The following FOXP2 variants were observed in gnomAD, a reference collection of about 807,000 sequenced individuals.
FOXP2 encodes forkhead box P2, also known as forkhead box protein P2.
Under a neutral mutation model 115.8 loss-of-function variants are expected in FOXP2, and 12 were observed. The observed-to-expected ratio is 0.10, with a 90% CI of 0.07 to 0.17. FOXP2 has a LOEUF of 0.17. FOXP2 is among the 10% of genes least tolerant of loss of function. The probability of loss-of-function intolerance (pLI) is 1.00; values close to 1 mark genes in which losing one functional copy is unlikely to be tolerated. For synonymous variants in FOXP2, 328 were observed against 297.7 expected (o/e 1.10, Z -1.05); for missense variants, 629 against 843.5 (o/e 0.75, Z 3.15).
intron 16 of FOXP2, among the ~76,000 whole-genome samples, chr7:114,671,965 C>G (rs1282086390): frequency 6.6e-6 from 1 of 152,100 alleles, no homozygotes; most frequent in African/African-American, 2.4e-5. Flanking sequence ...ATTTCAACAC[C>G]AAGAAACACA....
chr7:114,547,751 G>A (rs1047186091), intron 3 of FOXP2, among the ~76,000 whole-genome samples: 8 of 151,328 alleles, frequency 5.3e-5, no homozygotes, highest in Middle Eastern at 3.4e-3. Context: ...AGAGCGAGAC[G>A]TCGTCTCAAA....
rs998464054 is a variant in FOXP2, at chr7:114,658,043, G to A, written c.1267-23G>A. ...TTTCTCTTGTCTCTACCTTTTTCCT[G>A]CCCTTCTCTTGGGCCTTTGCAGCTA... On this transcript the variant is annotated intron_variant, in intron 10 of 16. Coordinates refer to ENST00000350908, the MANE Select transcript of FOXP2 (RefSeq NM_014491.4). 4 of 1,612,790 alleles carry A rather than the reference G, an allele frequency of 2.5e-6. No individual in the cohort carries two copies. The African/African-American group carries it at 5.4e-5, about 22-fold the overall frequency.
intron 1 of FOXP2, among the ~76,000 whole-genome samples, chr7:114,191,511 T>C (rs1793760187): frequency 6.6e-6 from 1 of 152,190 alleles, no homozygotes; most frequent in Non-Finnish European, 1.5e-5. Flanking sequence ...CAAGCACAAA[T>C]GTGTAGCGGG....
At position 114,690,245 on chromosome 7, in the gene FOXP2, A is replaced by T. The variant is rs141343189; in HGVS notation, c.*319A>T. The T allele has an allele frequency of 6.4e-6, 3 of 471,580 alleles. No individual in the cohort carries two copies. The highest frequency in any genetic ancestry group is 4.6e-5 in the South Asian group (3 of 64,604). 29.2% of individuals were successfully genotyped at this position (471,580 alleles called of 1,614,324 possible). ...TAAAAAATGTGGCTCTTAAGGGTTC[A>T]TGAAATGACTGAATATGAGGATACA... On this transcript the variant is annotated 3_prime_UTR_variant, in exon 17 of 17. Coordinates refer to ENST00000350908, the MANE Select transcript of FOXP2 (RefSeq NM_014491.4).
chr7:114,403,097 A>G (rs1792931054), intron 2 of FOXP2, among the ~76,000 whole-genome samples: 1 of 152,218 alleles, frequency 6.6e-6, no homozygotes, highest in Admixed American at 6.5e-5. Flanking sequence ...TAGCTAAGTA[A>G]TAAGTTATGT....
chr7:114,168,612 T>C (rs1025680226), intron 1 of FOXP2, among the ~76,000 whole-genome samples: 3 of 152,106 alleles, frequency 2.0e-5, no homozygotes, highest in Non-Finnish European at 4.4e-5. Context: ...TTTGGAAAAT[T>C]TGCAGCCTGA....
At chr7:114,285,268 A>T (rs868103587) in intron 1 of FOXP2, 1 of 152,292 alleles carries the variant, frequency 6.6e-6, no homozygotes, top group South Asian at 2.1e-4. Flanking sequence ...GAATATAGGG[A>T]TTATTAAAAT....
intron 1 of FOXP2, among the ~76,000 whole-genome samples, chr7:114,146,979 C>A (rs1194383603): frequency 1.3e-5 from 2 of 152,166 alleles, no homozygotes; most frequent in Non-Finnish European, 2.9e-5. Context: ...GCAGTTACAA[C>A]ACCCCTCAAA....
intron 3 of FOXP2, among the ~76,000 whole-genome samples, chr7:114,542,900 C>T (rs923751478): frequency 6.6e-6 from 1 of 151,304 alleles, no homozygotes. Flanking sequence ...AAGAAATTCT[C>T]CTGCCTCAGC....
chr7:114,105,194 G>C (rs1311150194), intron 1 of FOXP2, among the ~76,000 whole-genome samples: 1 of 151,952 alleles, frequency 6.6e-6, no homozygotes, highest in Non-Finnish European at 1.5e-5. Context: ...CAGTTTTTGT[G>C]TAATTTTTTC....
intron 16 of FOXP2, among the ~76,000 whole-genome samples, chr7:114,686,569 T>C (rs1307174244): frequency 6.6e-6 from 1 of 152,226 alleles, no homozygotes; most frequent in African/African-American, 2.4e-5. Context: ...AATATCCAGT[T>C]CAAATTTTAA....
intron 1 of FOXP2, among the ~76,000 whole-genome samples, chr7:114,243,177 G>T: frequency 6.6e-6 from 1 of 151,364 alleles, no homozygotes; most frequent in East Asian, 1.9e-4. Flanking sequence ...GGGTCTGAAG[G>T]CTTTGGTCAT....
intron 1 of FOXP2, among the ~76,000 whole-genome samples, chr7:114,122,221 C>T (rs1791584767): frequency 6.6e-6 from 1 of 151,942 alleles, no homozygotes; most frequent in South Asian, 2.1e-4. Context: ...TATGAAACTA[C>T]CTCCCATGAA....
chr7:114,266,307 G>A (rs1795892592), intron 1 of FOXP2, among the ~76,000 whole-genome samples: 1 of 152,096 alleles, frequency 6.6e-6, no homozygotes, highest in African/African-American at 2.4e-5. Flanking sequence ...AATGTTCTCT[G>A]TTAGGGCAGG....
intron 2 of FOXP2, among the ~76,000 whole-genome samples, chr7:114,294,841 A>AACAT (rs779885325): frequency 7.2e-6 from 1 of 139,848 alleles, no homozygotes; most frequent in Non-Finnish European, 1.5e-5. Flanking sequence ...ACACTGCCTC[A>AACAT]AAATAAATAA....
At chr7:114,537,260 A>G (rs1799440327) in intron 3 of FOXP2, among the ~76,000 whole-genome samples, 1 of 151,554 alleles carries the variant, frequency 6.6e-6, no homozygotes, top group Admixed American at 6.6e-5. Context: ...TTTACATTTC[A>G]AAAGGATAAT....
At chr7:114,338,748 T>TCACACA (rs56411270) in intron 2 of FOXP2, among the ~76,000 whole-genome samples, 102 of 146,620 alleles carry the variant, frequency 7.0e-4, no homozygotes, top group East Asian at 6.4e-3. Context: ...GTCAAGATGT[T>TCACACA]CACACACACA....
Position 114,692,907 on chromosome 7 carries a change from A to T in FOXP2, c.*2981A>T, listed in dbSNP as rs1480500017. 6.6e-6 allele frequency: 3 copies of T among 454,026 alleles called. No homozygotes were observed. The highest frequency in any genetic ancestry group is 1.3e-5 in the Non-Finnish European group (3 of 226,664). 28.1% of individuals were successfully genotyped at this position (454,026 alleles called of 1,614,324 possible). A position where few individuals can be genotyped will look rare whatever the true frequency, so the allele number is the denominator to read the frequency against. On this transcript the variant is annotated 3_prime_UTR_variant, in exon 17 of 17. Coordinates refer to ENST00000350908, the MANE Select transcript of FOXP2 (RefSeq NM_014491.4). Reference sequence around the variant, plus strand: ...TTCATACTTTGAATTCTCTGACGTTAGAAGTCATGGTTGAGAATTGTAACA... The same window carrying T: ...TTCATACTTTGAATTCTCTGACGTTTGAAGTCATGGTTGAGAATTGTAACA...
At chr7:114,201,329 G>A (rs192835631) in intron 1 of FOXP2, among the ~76,000 whole-genome samples, 8 of 152,090 alleles carry the variant, frequency 5.3e-5, no homozygotes, top group South Asian at 2.1e-4. Flanking sequence ...AATTAGCTGG[G>A]TGGTGTTCCT....
Sources: gnomAD v4.1 joint callset for allele counts (sites outside exome capture counted in the v4.1 genomes callset) on GRCh38, gnomAD v4.1.1 for gene constraint, MANE v1.5 for transcripts, NCBI Gene and HGNC (gene_info 2026-07-23, HGNC 2026-07-21) for gene names.